The following ZNF385D variants were observed in gnomAD, a reference collection of about 807,000 sequenced individuals.
ZNF385D encodes the protein zinc finger protein 385D, also known as zinc finger protein 659.
A neutral mutation model predicts 35.8 loss-of-function variants in ZNF385D; 15 were observed. That is an observed-to-expected ratio of 0.42 (90% CI 0.28 to 0.64). The LOEUF is 0.64. Ranked by LOEUF, ZNF385D falls within the 30% of genes least tolerant of loss-of-function variation. The pLI, the probability that ZNF385D is intolerant of heterozygous loss-of-function variation, is 0.23. For missense variants in ZNF385D, 474 were observed against 494.6 expected, an observed-to-expected ratio of 0.96 and a Z score of 0.39; for synonymous variants, 212 against 186.8, an observed-to-expected ratio of 1.13 and a Z score of -1.10.
At chr3:22,371,114 A>T (rs1444486744) in intron 2 of ZNF385D, among the ~76,000 whole-genome samples, 1 of 152,226 alleles carries the variant, frequency 6.6e-6, no homozygotes, top group Non-Finnish European at 1.5e-5. Flanking sequence ...ATCAATCTAC[A>T]TAATTTGAAA....
At chr3:22,125,438 A>G (rs1174882767) in intron 3 of ZNF385D, among the ~76,000 whole-genome samples, 2 of 151,914 alleles carry the variant, frequency 1.3e-5, no homozygotes, top group African/African-American at 4.8e-5. Flanking sequence ...TTTTTTTTCT[A>G]TCTTTGTGAA....
At chr3:22,334,408 A>G (rs1487437393) in intron 2 of ZNF385D, among the ~76,000 whole-genome samples, 1 of 152,142 alleles carries the variant, frequency 6.6e-6, no homozygotes, top group East Asian at 1.9e-4. Flanking sequence ...TTTCCAAATT[A>G]TATTTTTAAA....
At chr3:22,199,366 C>T (rs1486552599) in intron 2 of ZNF385D, among the ~76,000 whole-genome samples, 12 of 152,056 alleles carry the variant, frequency 7.9e-5, no homozygotes, top group Non-Finnish European at 1.3e-4. Context: ...AAATAGGCAG[C>T]GTCATTAACA....
At chr3:22,240,407 T>C (rs986462202) in intron 2 of ZNF385D, among the ~76,000 whole-genome samples, 2 of 150,920 alleles carry the variant, frequency 1.3e-5, no homozygotes, top group African/African-American at 4.9e-5. Flanking sequence ...CCTGCCCTTT[T>C]GTTAATTATT....
intron 2 of ZNF385D, among the ~76,000 whole-genome samples, chr3:22,175,498 C>A (rs1694764031): frequency 1.3e-5 from 2 of 151,928 alleles, no homozygotes; most frequent in South Asian, 2.1e-4. Flanking sequence ...GTGGCTCTAG[C>A]CACACATTGC....
intron 4 of ZNF385D, among the ~76,000 whole-genome samples, chr3:21,473,320 A>G (rs1704022744): frequency 6.6e-6 from 1 of 151,988 alleles, no homozygotes; most frequent in South Asian, 2.1e-4. Context: ...TGTTTCCCAA[A>G]TTAACTCCCA....
At chr3:21,996,881 G>C (rs368547909) in intron 3 of ZNF385D, among the ~76,000 whole-genome samples, 6 of 152,170 alleles carry the variant, frequency 3.9e-5, no homozygotes, top group African/African-American at 1.4e-4. Context: ...TTCTCTGCCC[G>C]AGTGATTAAG....
chr3:21,992,485 C>G (rs549606851), intron 3 of ZNF385D, among the ~76,000 whole-genome samples: 6 of 152,250 alleles, frequency 3.9e-5, no homozygotes, highest in African/African-American at 1.2e-4. Flanking sequence ...ATGTATTCAA[C>G]TCTTCCCGTG....
chr3:21,552,221 A>G lies in ZNF385D; in HGVS notation c.276+12353T>C, dbSNP rs1212572315. Among the ~76,000 whole-genome samples the G allele has an allele frequency of 2.0e-5, 3 of 152,192 alleles. No individual in the cohort carries two copies. In the East Asian group the frequency reaches 5.8e-4, roughly 29 times the overall value. ...AAAGCCTTTTCTTGAGTTTAAAATG[A>G]TCTAATATGTATGTATATTTTGATT... On this transcript the variant is annotated intron_variant, in intron 3 of 7. Transcript: ENST00000281523.
At chr3:21,747,469 C>T (rs2069832553) in intron 1 of ZNF385D, among the ~76,000 whole-genome samples, 1 of 152,164 alleles carries the variant, frequency 6.6e-6, no homozygotes, top group African/African-American at 2.4e-5. Flanking sequence ...AATCAGCCTC[C>T]CATTTTCTCT....
chr3:22,047,976 T>C lies in ZNF385D; in HGVS notation c.325+120841A>G, dbSNP rs1008519032. On this transcript the variant is annotated intron_variant, in intron 3 of 5. Coordinates refer to the ZNF385D transcript ENST00000494108. ...AGGTAATAGCTCATTGTGGATTTAA[T>C]TTGCATTTCCCTGATGATTAGTGAT... 4.6e-5 allele frequency among the ~76,000 whole-genome samples: 7 copies of C among 152,312 alleles called. No individual in the cohort carries two copies. The South Asian group carries it at 1.5e-3, about 32-fold the overall frequency.
At chr3:22,070,368 C>A (rs1213771244) in intron 3 of ZNF385D, among the ~76,000 whole-genome samples, 1 of 152,032 alleles carries the variant, frequency 6.6e-6, no homozygotes, top group Non-Finnish European at 1.5e-5. Context: ...TATGAAGTAA[C>A]CCGCTTTCAA....
At chr3:21,574,985 A>T (rs1368741926) in intron 2 of ZNF385D, among the ~76,000 whole-genome samples, 3 of 152,166 alleles carry the variant, frequency 2.0e-5, no homozygotes, top group African/African-American at 7.2e-5. Context: ...TAAATACACA[A>T]TGTTTCATTT....
chr3:21,914,886 G>A (rs1035971033), intron 3 of ZNF385D, among the ~76,000 whole-genome samples: 5 of 149,356 alleles, frequency 3.3e-5, no homozygotes, highest in African/African-American at 1.2e-4. Flanking sequence ...GTTTAGCCAA[G>A]ACAGATTTGG....
chr3:21,611,040 A>G (rs1033892651), intron 2 of ZNF385D, among the ~76,000 whole-genome samples: 36 of 152,192 alleles, frequency 2.4e-4, no homozygotes, highest in Non-Finnish European at 4.4e-5. Context: ...AACTTACAGC[A>G]TGATAACTTA....
chr3:21,713,589 C>G (rs2068199697), intron 1 of ZNF385D, among the ~76,000 whole-genome samples: 1 of 152,166 alleles, frequency 6.6e-6, no homozygotes, highest in South Asian at 2.1e-4. Context: ...CCTGGGGCTA[C>G]TCTCTTCTTG....
At position 21,947,346 on chromosome 3, in the gene ZNF385D, GTTATTTAT is replaced by G. The variant is rs74499183; in HGVS notation, c.325+221463_325+221470del. ...CAAGGCTCTTTCATGTATTTTACTA[GTTATTTAT>G]TTATTTATTTATTTTGAGACAGAGT... is the stretch of plus-strand genomic sequence containing the variant. On this transcript the variant is annotated intron_variant, in intron 3 of 5. Coordinates refer to the ZNF385D transcript ENST00000494108. 7.1e-3 allele frequency among the ~76,000 whole-genome samples: 1,069 copies of G among 150,814 alleles called. 6 individuals carry two copies. Among genetic ancestry groups the G allele is most frequent in the Non-Finnish European group, 0.012 (812 of 67,760 alleles).
At chr3:21,984,859 T>C (rs1694716992) in intron 3 of ZNF385D, among the ~76,000 whole-genome samples, 1 of 134,696 alleles carries the variant, frequency 7.4e-6, no homozygotes. Flanking sequence ...TGGTTTGTAG[T>C]TCTCCTTGAA....
Position 21,541,202 on chromosome 3 carries a change from A to T in ZNF385D, c.276+23372T>A, listed in dbSNP as rs777474055. 1.2e-3 allele frequency among the ~76,000 whole-genome samples: 184 copies of T among 152,194 alleles called. 2 individuals carry two copies. Among genetic ancestry groups the T allele is most frequent in the Admixed American group, 3.8e-3 (58 of 15,276 alleles). On this transcript the variant is annotated intron_variant, in intron 3 of 7. Coordinates refer to ENST00000281523, the MANE Select transcript of ZNF385D (RefSeq NM_024697.3). Reference sequence around the variant, plus strand: ...ATTTATGCATGCCTGGTACAATTTCATTCCCCTTAATTAGAGAATAAAACC... The same window carrying T: ...ATTTATGCATGCCTGGTACAATTTCTTTCCCCTTAATTAGAGAATAAAACC...
Sources: gnomAD v4.1 joint callset for allele counts (sites outside exome capture counted in the v4.1 genomes callset) on GRCh38, gnomAD v4.1.1 for gene constraint, MANE v1.5 for transcripts, NCBI Gene and HGNC (gene_info 2026-07-23, HGNC 2026-07-21) for gene names.